The following RNF217 variants were observed in gnomAD, a reference collection of about 807,000 sequenced individuals.
RNF217 encodes E3 ubiquitin-protein ligase RNF217.
RNF217 carries 31 observed loss-of-function variants against 57.8 expected under a neutral mutation model. That is an observed-to-expected ratio of 0.54 (90% CI 0.40 to 0.72). The LOEUF (loss-of-function observed/expected upper bound fraction) is 0.72. Ranked by LOEUF, RNF217 falls within the 30% of genes least tolerant of loss-of-function variation. RNF217 has a pLI of 0.00. For missense variants in RNF217, 696 were observed against 708.3 expected, an observed-to-expected ratio of 0.98 and a Z score of 0.20; for synonymous variants, 313 against 294.0, an observed-to-expected ratio of 1.06 and a Z score of -0.66.
rs936934569 is a variant in RNF217 at position 125,050,206 on chromosome 6, T to C, written c.1116+4762T>C. 2.0e-5 allele frequency among the ~76,000 whole-genome samples: 3 copies of C among 151,942 alleles called. No individual in the cohort carries two copies. In the South Asian group the frequency reaches 6.2e-4, roughly 31 times the overall value. ...ACTGAATAAATGATCCCCCTTTTCA[T>C]ATCGATTTGGAGAAAGAGTTGAAGG... On this transcript the variant is annotated intron_variant, in intron 2 of 5. Transcript: ENST00000521654.
At chr6:124,966,041 C>T (rs1457929202) in intron 1 of RNF217, among the ~76,000 whole-genome samples, 3 of 152,184 alleles carry the variant, frequency 2.0e-5, no homozygotes, top group Non-Finnish European at 4.4e-5. Context: ...TGCATTGGCA[C>T]TAAATTCTAT....
rs1359992453 is a variant in RNF217, at chr6:125,089,929, TC to T, written c.*6993del. Reference sequence around the variant, plus strand: ...TTTTGATATAAATATCTAAATTCTTTCATTTTATAGAAAATTAGCATGCTTT... The same window carrying T: ...TTTTGATATAAATATCTAAATTCTTTATTTTATAGAAAATTAGCATGCTTT... On this transcript the variant is annotated 3_prime_UTR_variant, in exon 6 of 6. Transcript: ENST00000521654. 1.3e-5 allele frequency: 2 copies of T among 152,194 alleles called. No individual in the cohort carries two copies. Among genetic ancestry groups the T allele is most frequent in the African/African-American group, 4.8e-5 (2 of 41,452 alleles). The allele number at this position is 152,194 out of a possible 1,614,324, so 9.4% of individuals were successfully genotyped here. A position where few individuals can be genotyped will look rare whatever the true frequency, so the allele number is the denominator to read the frequency against.
At chr6:124,997,497 C>G (rs1784798294) in intron 1 of RNF217, among the ~76,000 whole-genome samples, 1 of 152,142 alleles carries the variant, frequency 6.6e-6, no homozygotes, top group African/African-American at 2.4e-5. Context: ...ACTTCTTAGG[C>G]AAATCCGAAA....
intron 1 of RNF217, among the ~76,000 whole-genome samples, chr6:125,038,123 T>C (rs1786720336): frequency 1.3e-5 from 2 of 152,210 alleles, no homozygotes; most frequent in Admixed American, 1.3e-4. Flanking sequence ...TGTCTCTTAA[T>C]GATGCCTTGT....
At chr6:125,074,184 T>C (rs1788259746) in intron 3 of RNF217, among the ~76,000 whole-genome samples, 1 of 152,126 alleles carries the variant, frequency 6.6e-6, no homozygotes, top group Non-Finnish European at 1.5e-5. Flanking sequence ...CATTTCCCCA[T>C]GTATGAAGTG....
chr6:125,050,611 T>C (rs1787276494), intron 2 of RNF217, among the ~76,000 whole-genome samples: 2 of 152,092 alleles, frequency 1.3e-5, no homozygotes, highest in African/African-American at 4.8e-5. Flanking sequence ...AAAACGTGCT[T>C]AACCTTCCTC....
At chr6:125,051,329 T>C (rs911651537) in intron 2 of RNF217, among the ~76,000 whole-genome samples, 1 of 151,972 alleles carries the variant, frequency 6.6e-6, no homozygotes, top group African/African-American at 2.4e-5. Flanking sequence ...ATCGTCTCTC[T>C]CTGATGGCCC....
At chr6:125,046,629 T>G (rs1244859807) in intron 2 of RNF217, 2 of 455,844 alleles carry the variant, frequency 4.4e-6, no homozygotes, top group Non-Finnish European at 8.8e-6. Context: ...ATGAAGTGGT[T>G]TCAAAGGCTG....
At position 125,021,854 on chromosome 6, in the gene RNF217, C is replaced by A. The variant is rs183871542; in HGVS notation, c.883-23357C>A. ...CTTCAATAAGTAAGAACAGCCATTC[C>A]CAGGATTGTCATTAAACACTTTCCC... On this transcript the variant is annotated intron_variant, in intron 1 of 5. Transcript: ENST00000521654. Among the ~76,000 whole-genome samples, 529 of 152,094 alleles carry A rather than the reference C, an allele frequency of 3.5e-3. 8 individuals carry two copies. Among genetic ancestry groups the A allele is most frequent in the Admixed American group, 0.029 (443 of 15,278 alleles).
intron 1 of RNF217, among the ~76,000 whole-genome samples, chr6:125,034,489 A>G (rs1379252966): frequency 6.6e-6 from 1 of 152,124 alleles, no homozygotes; most frequent in Non-Finnish European, 1.5e-5. Flanking sequence ...CAGGTTTGTC[A>G]AAGATCAGAT....
chr6:124,963,357 C>G lies in RNF217; in HGVS notation c.813C>G (p.Pro271=). 2.0e-6 allele frequency: 3 copies of G among 1,529,878 alleles called. No homozygotes were observed. The highest frequency in any genetic ancestry group is 2.6e-6 in the Non-Finnish European group (3 of 1,143,914). 94.8% of individuals were successfully genotyped at this position (1,529,878 alleles called of 1,614,324 possible). A position where few individuals can be genotyped will look rare whatever the true frequency, so the allele number is the denominator to read the frequency against. The change falls in exon 1 of 6, where the codon CCC becomes CCG. Residue 271 remains proline (P), a synonymous_variant. Transcript: ENST00000521654. The stretch of plus-strand genomic sequence containing the variant: ...GCCGGGTGTGCCTGGAAGACAAGCC[C>G]ATCAAGCCCCTGCCTTGCTGCAAGA... ...LMCRVCLEDK[P]IKPLPCCKKA...
rs1410461654 is a variant in RNF217 at position 125,045,279 on chromosome 6, T to C, written c.951T>C (p.Thr317=). 1.9e-6 allele frequency: 3 copies of C among 1,613,272 alleles called. No individual in the cohort carries two copies. Among genetic ancestry groups the C allele is most frequent in the Admixed American group, 1.7e-5 (1 of 59,898 alleles). ...GTTTTGAATTCTTGGAAGAAACAAC[T>C]GTTGTCTATAACTTAACGCATGAAG... ...TECFEFLEET[T]VVYNLTHEDS... The change falls in exon 2 of 6, where the codon ACT becomes ACC. Residue 317 remains threonine (T), a synonymous_variant. Coordinates refer to ENST00000521654, the MANE Select transcript of RNF217 (RefSeq NM_001286398.3).
intron 1 of RNF217, among the ~76,000 whole-genome samples, chr6:124,987,488 G>A (rs1445921481): frequency 6.6e-6 from 1 of 151,906 alleles, no homozygotes; most frequent in Non-Finnish European, 1.5e-5. Context: ...TGCAATATGT[G>A]GTCTTTTGTA....
chr6:125,045,504 A>G, intron 2 of RNF217, 60 bp downstream of exon 2: 1 of 1,316,604 alleles, frequency 7.6e-7, no homozygotes, highest in South Asian at 1.3e-5. Flanking sequence ...GCCAGATTAG[A>G]TCCACTTGTC....
chr6:124,990,520 G>A (rs970093454), intron 1 of RNF217, among the ~76,000 whole-genome samples: 1 of 152,108 alleles, frequency 6.6e-6, no homozygotes, highest in Non-Finnish European at 1.5e-5. Context: ...TTCAGTTGAT[G>A]GCCATTCCAT....
chr6:124,981,398 C>A (rs932244905), intron 1 of RNF217, among the ~76,000 whole-genome samples: 9 of 152,078 alleles, frequency 5.9e-5, no homozygotes, highest in African/African-American at 2.2e-4. Flanking sequence ...CGGGGTACAG[C>A]TTGCTTTTAT....
chr6:125,063,360 C>T (rs146094214), intron 3 of RNF217, among the ~76,000 whole-genome samples: 45 of 152,194 alleles, frequency 3.0e-4, no homozygotes, highest in South Asian at 1.2e-3. Context: ...TCAACATATT[C>T]ATTATTTCTA....
At chr6:124,968,332 T>C (rs1156864866) in intron 1 of RNF217, among the ~76,000 whole-genome samples, 1 of 152,080 alleles carries the variant, frequency 6.6e-6, no homozygotes, top group Non-Finnish European at 1.5e-5. Context: ...GTGCAAAATG[T>C]ATGTGTGTGT....
chr6:124,962,558 A>G lies in RNF217; in HGVS notation c.14A>G (p.Gln5Arg). 8.1e-7 allele frequency: 1 copy of G among 1,237,084 alleles called. No homozygotes were observed. The highest frequency in any genetic ancestry group is 3.4e-5 in the East Asian group (1 of 29,080). The allele number at this position is 1,237,084 out of a possible 1,614,324, so 76.6% of individuals were successfully genotyped here. A position where few individuals can be genotyped will look rare whatever the true frequency, so the allele number is the denominator to read the frequency against. MGEEQSTVSGGGGPQ... is the reference protein window; with the variant it reads MGEERSTVSGGGGPQ... ...CCGCGGGCGGCGATGGGCGAGGAGCAGAGCACGGTGAGCGGCGGCGGCGGG... is the reference window on the plus strand; with the variant it reads ...CCGCGGGCGGCGATGGGCGAGGAGCGGAGCACGGTGAGCGGCGGCGGCGGG... The change falls in exon 1 of 6, where the codon CAG becomes CGG. Residue 5 changes from glutamine to arginine, a missense_variant. Gln to Arg is a conservative substitution (Grantham distance 43). Coordinates refer to ENST00000521654, the MANE Select transcript of RNF217 (RefSeq NM_001286398.3). The surrounding 1 kb of genome is among the most constrained non-coding windows in gnomAD (Gnocchi z 4.6).
Sources: gnomAD v4.1 joint callset for allele counts (sites outside exome capture counted in the v4.1 genomes callset) on GRCh38, gnomAD v4.1.1 for gene constraint, Gnocchi (gnomAD v3.1) non-coding constraint, MANE v1.5 for transcripts, NCBI Gene and HGNC (gene_info 2026-07-23, HGNC 2026-07-21) for gene names.